The following SCHIP1 variants were observed in gnomAD, a reference collection of about 807,000 sequenced individuals.
SCHIP1 encodes the protein schwannomin-interacting protein 1.
In SCHIP1, 8 loss-of-function variants were observed where a neutral mutation model predicts 29.7. The ratio of observed to expected loss-of-function variants is 0.27; its 90% CI spans 0.16 to 0.49. The LOEUF is 0.49. Ranked by LOEUF, SCHIP1 falls within the 20% of genes least tolerant of loss-of-function variation. The pLI, the probability that SCHIP1 is intolerant of heterozygous loss-of-function variation, is 0.99. For missense variants in SCHIP1, 193 were observed against 294.6 expected, an observed-to-expected ratio of 0.66 and a Z score of 2.52; for synonymous variants, 76 against 94.9, an observed-to-expected ratio of 0.80 and a Z score of 1.16.
chr3:159,497,684 A>G, the SCHIP1 span, among the ~76,000 whole-genome samples: 3 of 151,828 alleles, frequency 2.0e-5, no homozygotes, highest in African/African-American at 7.3e-5. Context: ...GGGAAGAGCG[A>G]AAGAGGAAGA....
At chr3:159,856,434 A>G (rs1713375162) in intron 1 of SCHIP1, among the ~76,000 whole-genome samples, 1 of 152,142 alleles carries the variant, frequency 6.6e-6, no homozygotes, top group Non-Finnish European at 1.5e-5. Context: ...TGTACCTTAA[A>G]CACGAGAGTT....
the SCHIP1 span, among the ~76,000 whole-genome samples, chr3:159,606,526 G>T: frequency 2.0e-5 from 3 of 152,082 alleles, no homozygotes; most frequent in Non-Finnish European, 4.4e-5. Flanking sequence ...ATAGCTTTAA[G>T]AAACAGATTC....
chr3:159,299,673 G>T, the SCHIP1 span, among the ~76,000 whole-genome samples: 1 of 152,126 alleles, frequency 6.6e-6, no homozygotes, highest in African/African-American at 2.4e-5. Flanking sequence ...TGGCTGTCTG[G>T]ATGGGTTGCT....
At chr3:159,736,534 T>C in the SCHIP1 span, among the ~76,000 whole-genome samples, 5 of 152,208 alleles carry the variant, frequency 3.3e-5, no homozygotes. Flanking sequence ...AATTCATTCA[T>C]GAAACCACCA....
chr3:159,352,843 G>T, the SCHIP1 span, among the ~76,000 whole-genome samples: 4,786 of 151,580 alleles, frequency 0.032, 277 homozygotes, highest in African/African-American at 0.11. Context: ...GATATTGCTT[G>T]GGATCAAAAT....
chr3:159,324,903 C>T, the SCHIP1 span, among the ~76,000 whole-genome samples: 2 of 152,016 alleles, frequency 1.3e-5, no homozygotes, highest in African/African-American at 4.8e-5. Flanking sequence ...AATAATAAAA[C>T]AATGAATATT....
At chr3:159,326,010 AG>A in the SCHIP1 span, among the ~76,000 whole-genome samples, 11 of 152,212 alleles carry the variant, frequency 7.2e-5, no homozygotes, top group Admixed American at 1.3e-4. Context: ...TTGTTTTAAG[AG>A]TTTTACATGT....
chr3:159,335,380 T>A, the SCHIP1 span, among the ~76,000 whole-genome samples: 1 of 152,142 alleles, frequency 6.6e-6, no homozygotes, highest in Admixed American at 6.5e-5. Flanking sequence ...TTAGGGTACA[T>A]GTGCACAATG....
At chr3:159,393,018 G>A in the SCHIP1 span, among the ~76,000 whole-genome samples, 2 of 152,230 alleles carry the variant, frequency 1.3e-5, no homozygotes, top group Admixed American at 6.5e-5. Context: ...ACTGGTGTGA[G>A]ATGGTATCTC....
chr3:159,684,518 A>T, the SCHIP1 span, among the ~76,000 whole-genome samples: 1 of 152,070 alleles, frequency 6.6e-6, no homozygotes, highest in Non-Finnish European at 1.5e-5. Flanking sequence ...ATTGAAAAAC[A>T]TCCTCTGCCG....
the SCHIP1 span, among the ~76,000 whole-genome samples, chr3:159,381,014 C>A: frequency 1.3e-5 from 2 of 152,262 alleles, no homozygotes; most frequent in African/African-American, 4.8e-5. Flanking sequence ...ATAAGTGTCA[C>A]CTTCATGTGG....
chr3:159,382,046 A>ATTCTT, the SCHIP1 span, among the ~76,000 whole-genome samples: 4 of 151,286 alleles, frequency 2.6e-5, no homozygotes, highest in Non-Finnish European at 4.4e-5. Flanking sequence ...ACTTCTACTC[A>ATTCTT]TTCTTTTTTC....
At chr3:159,326,199 C>G in the SCHIP1 span, among the ~76,000 whole-genome samples, 2 of 152,118 alleles carry the variant, frequency 1.3e-5, no homozygotes, top group South Asian at 4.1e-4. Context: ...CTTCTCTACT[C>G]TATTTCTTGA....
the SCHIP1 span, among the ~76,000 whole-genome samples, chr3:159,650,075 T>C: frequency 6.6e-6 from 1 of 152,220 alleles, no homozygotes; most frequent in Non-Finnish European, 1.5e-5. Flanking sequence ...TTTTATTTTT[T>C]AATTCATACT....
chr3:159,423,755 C>G, the SCHIP1 span, among the ~76,000 whole-genome samples: 1 of 152,276 alleles, frequency 6.6e-6, no homozygotes, highest in Admixed American at 6.5e-5. Context: ...AGACTGCCTC[C>G]TCAAGTGGGT....
At chr3:159,490,900 A>G in the SCHIP1 span, among the ~76,000 whole-genome samples, 4 of 152,192 alleles carry the variant, frequency 2.6e-5, no homozygotes, top group Admixed American at 6.5e-5. Flanking sequence ...GAAGTTTAGA[A>G]TCTGATTTTT....
chr3:159,353,883 G>C, the SCHIP1 span, among the ~76,000 whole-genome samples: 1 of 152,092 alleles, frequency 6.6e-6, no homozygotes, highest in Non-Finnish European at 1.5e-5. Flanking sequence ...TCCATTAAAC[G>C]CCGCCTTCTA....
At chr3:159,757,702 T>C in the SCHIP1 span, among the ~76,000 whole-genome samples, 725 of 152,300 alleles carry the variant, frequency 4.8e-3, 11 homozygotes, top group Admixed American at 0.023. Context: ...AGGAAGCCAG[T>C]GGCCCAGAGA....
At chr3:159,350,132 G>C in the SCHIP1 span, among the ~76,000 whole-genome samples, 1 of 152,186 alleles carries the variant, frequency 6.6e-6, no homozygotes, top group East Asian at 1.9e-4. Context: ...TCTGTGCTTA[G>C]CTCCTGCATT....
Sources: gnomAD v4.1 joint callset for allele counts (sites outside exome capture counted in the v4.1 genomes callset) on GRCh38, gnomAD v4.1.1 for gene constraint, MANE v1.5 for transcripts, NCBI Gene and HGNC (gene_info 2026-07-23, HGNC 2026-07-21) for gene names.